UTP11: variants seen among roughly 807,000 people sequenced by gnomAD.
UTP11 encodes the protein UTP11 small subunit processome component.
In UTP11, 29 loss-of-function variants were observed where a neutral mutation model predicts 39.0. The observed-to-expected ratio is 0.74, with a 90% confidence interval of 0.55 to 1.01. UTP11 has a LOEUF of 1.01. Ranked by LOEUF, UTP11 falls within the 50% of genes least tolerant of loss-of-function variation. The pLI is 0.00. For missense variants in UTP11, 281 were observed against 306.0 expected (o/e 0.92, Z 0.61); for synonymous variants, 111 against 105.0 (o/e 1.06, Z -0.35).
At chr1:38,017,804 C>T (rs779443728) in intron 3 of UTP11, 34 bp downstream of exon 3, 1 of 1,529,386 alleles carries the variant, frequency 6.5e-7, no homozygotes, top group Non-Finnish European at 8.9e-7. Flanking sequence ...GTGTTTTGAG[C>T]TCCACACATT....
At position 38,023,839 on chromosome 1, in the gene UTP11, A is replaced by G. The variant is rs1448985871; in HGVS notation, c.*211A>G. 9.8e-6 allele frequency: 4 copies of G among 406,684 alleles called. No individual in the cohort carries two copies. Among genetic ancestry groups the G allele is most frequent in the Non-Finnish European group, 1.3e-5 (3 of 233,116 alleles). 25.2% of individuals were successfully genotyped at this position (406,684 alleles called of 1,614,324 possible). The stretch of plus-strand genomic sequence containing the variant: ...ATTGTGAAATTAGTCTTATTTTTAT[A>G]TACTTAATTTTTTTTTTCTTTGAGA... On this transcript the variant is annotated 3_prime_UTR_variant, in exon 8 of 8. Coordinates refer to ENST00000373014, the MANE Select transcript of UTP11 (RefSeq NM_016037.4).
rs968612580 is a variant in UTP11 at position 38,012,757 on chromosome 1, T to G, written c.-46T>G. 5 of 1,613,378 alleles carry G rather than the reference T, an allele frequency of 3.1e-6. No individual in the cohort carries two copies. In the South Asian group the frequency reaches 3.3e-5, roughly 11 times the overall value. On this transcript the variant is annotated 5_prime_UTR_variant, in exon 1 of 8. Transcript: ENST00000373014. ...TCAGTGGACTTGGCGGCAGAGGCAG[T>G]GCGGATCCGGCGTTCTCCACTGATC...
intron 3 of UTP11, among the ~76,000 whole-genome samples, chr1:38,017,989 C>G (rs535736761): frequency 6.6e-6 from 1 of 152,106 alleles, no homozygotes; most frequent in Non-Finnish European, 1.5e-5. Flanking sequence ...TGTTCTAGGA[C>G]AGATGACTGG....
At chr1:38,014,643 T>C (rs951651130) in intron 1 of UTP11, among the ~76,000 whole-genome samples, 2 of 152,166 alleles carry the variant, frequency 1.3e-5, no homozygotes, top group East Asian at 3.8e-4. Flanking sequence ...GGTATTATTT[T>C]ACTTATGTTT....
chr1:38,015,030 T>C (rs1646700617), intron 1 of UTP11, among the ~76,000 whole-genome samples: 1 of 151,986 alleles, frequency 6.6e-6, no homozygotes, highest in Admixed American at 6.6e-5. Flanking sequence ...TTTTTTTTTG[T>C]TTGTTTTTTT....
chr1:38,014,994 A>G (rs1248975998), intron 1 of UTP11, among the ~76,000 whole-genome samples: 1 of 152,014 alleles, frequency 6.6e-6, no homozygotes, highest in Non-Finnish European at 1.5e-5. Context: ...TGACTGTTAA[A>G]AATCCTACCC....
chr1:38,023,211 C>G (rs1015015707), intron 7 of UTP11, among the ~76,000 whole-genome samples: 1 of 152,192 alleles, frequency 6.6e-6, no homozygotes, highest in African/African-American at 2.4e-5. Context: ...CTTATCATTC[C>G]TCTAAATGTC....
chr1:38,012,841 G>C lies in UTP11; in HGVS notation c.39G>C (p.Gln13His). The C allele has an allele frequency of 6.2e-7, 1 of 1,614,254 alleles. No individual in the cohort carries two copies. The highest frequency in any genetic ancestry group is 1.1e-5 in the South Asian group (1 of 91,092). ...AAFRKAAKSR[Q>H]REHRERSQPG... ...TTCGGAAGGCGGCTAAGTCCCGGCA[G>C]CGGGAACACAGAGAGCGAAGCCAGG... The change falls in exon 1 of 8, where the codon CAG becomes CAC. Residue 13 changes from glutamine (Q) to histidine (H), a missense_variant. Physicochemically the swap from Gln to His is conservative, Grantham distance 24 (BLOSUM62 0). Transcript: ENST00000373014.
intron 7 of UTP11, 109 bp from the exon 8 acceptor site, chr1:38,023,436 C>T (rs751294726): frequency 1.1e-6 from 1 of 939,882 alleles, no homozygotes; most frequent in Admixed American, 2.7e-5. Flanking sequence ...TGTGTCCGTT[C>T]TCAACTTTGA....
chr1:38,016,333 C>T (rs1646706951), intron 1 of UTP11, 26 bp from the exon 2 acceptor site: 5 of 1,613,396 alleles, frequency 3.1e-6, no homozygotes, highest in Non-Finnish European at 4.2e-6. Flanking sequence ...AAACTAAGCA[C>T]TGTTGTTCTT....
In UTP11 at chr1:38,018,387, C is replaced by T. The variant is rs113575301; in HGVS notation, c.229-77C>T. On this transcript the variant is annotated intron_variant, in intron 3 of 7. Coordinates refer to ENST00000373014, the MANE Select transcript of UTP11 (RefSeq NM_016037.4). ...CACTTGGCCTATGGTTGTCTTTGTT[C>T]TAGCCGTGCACTGTGCCAACAACTT... 166 of 1,103,212 alleles carry T rather than the reference C, an allele frequency of 1.5e-4. No homozygotes were observed. In the African/African-American group the frequency reaches 2.2e-3, roughly 15 times the overall value. 68.3% of individuals were successfully genotyped at this position (1,103,212 alleles called of 1,614,324 possible). A position where few individuals can be genotyped will look rare whatever the true frequency, so the allele number is the denominator to read the frequency against.
chr1:38,023,797 T>C lies in UTP11; in HGVS notation c.*169T>C. 1 of 485,560 alleles carries C rather than the reference T, an allele frequency of 2.1e-6. No individual in the cohort carries two copies. The highest frequency in any genetic ancestry group is 4.8e-5 in the South Asian group (1 of 21,010). The allele number at this position is 485,560 out of a possible 1,614,324, so 30.1% of individuals were successfully genotyped here. On this transcript the variant is annotated 3_prime_UTR_variant, in exon 8 of 8. Coordinates refer to ENST00000373014, the MANE Select transcript of UTP11 (RefSeq NM_016037.4). The stretch of plus-strand genomic sequence containing the variant: ...TGGACAACATTAAATCTCCCTCCCT[T>C]CTGTAATTGTTTTTGGATTGTGAAA...
At chr1:38,016,115 G>A (rs559919823) in intron 1 of UTP11, among the ~76,000 whole-genome samples, 1 of 152,342 alleles carries the variant, frequency 6.6e-6, no homozygotes, top group African/African-American at 2.4e-5. Context: ...GCCTCTCTCT[G>A]TCCTTAATAG....
At chr1:38,018,992 A>ATT in intron 4 of UTP11, 67 bp from the exon 5 acceptor site, 1 of 1,076,180 alleles carries the variant, frequency 9.3e-7, no homozygotes, top group Non-Finnish European at 1.4e-6. Flanking sequence ...AAACTTTTGC[A>ATT]GTTTTTTTTT....
chr1:38,023,449 A>G lies in UTP11; in HGVS notation c.679-96A>G, dbSNP rs80155060. On this transcript the variant is annotated intron_variant, in intron 7 of 7. Coordinates refer to ENST00000373014, the MANE Select transcript of UTP11 (RefSeq NM_016037.4). The stretch of plus-strand genomic sequence containing the variant: ...GCTGTGTCCGTTCTCAACTTTGAGA[A>G]GGGCTGAAGCAGGTGCTAATAGGTA... 2.2e-5 allele frequency: 23 copies of G among 1,067,472 alleles called. No individual in the cohort carries two copies. In the East Asian group the frequency reaches 5.7e-4, roughly 26 times the overall value. 66.1% of individuals were successfully genotyped at this position (1,067,472 alleles called of 1,614,324 possible). A position where few individuals can be genotyped will look rare whatever the true frequency, so the allele number is the denominator to read the frequency against.
chr1:38,013,007 G>C (rs1019665123), intron 1 of UTP11, 142 bp downstream of exon 1: 4 of 1,066,136 alleles, frequency 3.8e-6, no homozygotes, highest in Non-Finnish European at 5.4e-6. Flanking sequence ...CGCTGGCGTG[G>C]CTGGGGCGGA....
chr1:38,019,063 T>C lies in UTP11; in HGVS notation c.347T>C (p.Ile116Thr), dbSNP rs1212522001. 7.4e-6 allele frequency: 12 copies of C among 1,611,452 alleles called. No individual in the cohort carries two copies. Among genetic ancestry groups the C allele is most frequent in the Admixed American group, 1.7e-5 (1 of 59,608 alleles). ...EMKRVAEAKK[I>T]ERLKSELHLL... ...AGACCATATTCTGTGTTCTAGAAAATCGAAAGACTAAAATCAGAGCTCCAT... is the reference window on the plus strand; with the variant it reads ...AGACCATATTCTGTGTTCTAGAAAACCGAAAGACTAAAATCAGAGCTCCAT... Residue 116 changes from isoleucine (I) to threonine (T), a missense_variant, in exon 5 of 8, where the codon ATC becomes ACC. Ile to Thr is a moderately conservative substitution (Grantham distance 89). Coordinates refer to ENST00000373014, the MANE Select transcript of UTP11 (RefSeq NM_016037.4).
In UTP11 at chr1:38,019,064, C is replaced by G; in HGVS notation, c.348C>G (p.Ile116Met). 2 of 1,611,050 alleles carry G rather than the reference C, an allele frequency of 1.2e-6. No homozygotes were observed. Among genetic ancestry groups the G allele is most frequent in the South Asian group, 1.1e-5 (1 of 90,798 alleles). Reference protein sequence around the residue: ...EMKRVAEAKKIERLKSELHLL... With the variant: ...EMKRVAEAKKMERLKSELHLL... Reference sequence around the variant, plus strand: ...GACCATATTCTGTGTTCTAGAAAATCGAAAGACTAAAATCAGAGCTCCATC... The same window carrying G: ...GACCATATTCTGTGTTCTAGAAAATGGAAAGACTAAAATCAGAGCTCCATC... The change falls in exon 5 of 8, where the codon ATC (isoleucine) becomes ATG (methionine). Residue 116 changes from isoleucine to methionine, a missense_variant. Transcript: ENST00000373014.
chr1:38,018,350 T>C (rs1646717666), intron 3 of UTP11, 114 bp from the exon 4 acceptor site: 1 of 656,662 alleles, frequency 1.5e-6, no homozygotes. Context: ...GGATTACAGG[T>C]GTGAGTGACC....
Sources: gnomAD v4.1 joint callset for allele counts (sites outside exome capture counted in the v4.1 genomes callset) on GRCh38, gnomAD v4.1.1 for gene constraint, MANE v1.5 for transcripts, NCBI Gene and HGNC (gene_info 2026-07-23, HGNC 2026-07-21) for gene names.